The following RTL1 variants were observed in gnomAD, a reference collection of about 807,000 sequenced individuals.
The protein encoded by RTL1 is retrotransposon Gag like 1.
For missense variants in RTL1, 1,681 were observed against 1,767.5 expected, an observed-to-expected ratio of 0.95 and a Z score of 0.88; for synonymous variants, 727 against 748.4, an observed-to-expected ratio of 0.97 and a Z score of 0.47.
rs1278331441 is a variant in RTL1, at chr14:100,882,331, G to T, written c.2458C>A (p.Arg820Ser). The T allele has an allele frequency of 2.6e-6, 4 of 1,551,568 alleles. No individual in the cohort carries two copies. The highest frequency in any genetic ancestry group is 3.5e-6 in the Non-Finnish European group (4 of 1,147,018). The change falls in exon 4 of 4, where the codon CGC becomes AGC. Residue 820 changes from arginine (R) to serine (S), a missense_variant. Transcript: ENST00000649591. ...RNFIEFVFPYRHFVERFSIIA... is the reference protein window; with the variant it reads ...RNFIEFVFPYSHFVERFSIIA... ...ATGCTGAAGCGCTCCACGAAGTGGC[G>T]GTAGGGGAAGACGAATTCGATGAAG...
intron 3 of RTL1, among the ~76,000 whole-genome samples, chr14:100,888,239 A>G (rs2038720469): frequency 6.6e-6 from 1 of 152,176 alleles, no homozygotes; most frequent in South Asian, 2.1e-4. Context: ...GCAAAATCTG[A>G]TCATATCATC....
chr14:100,883,435 CG>C lies in RTL1; in HGVS notation c.1353del (p.Tyr451Ter). On this transcript the variant is annotated frameshift_variant, in exon 4 of 4. Transcript: ENST00000649591. LOFTEE classifies it low-confidence loss of function (END_TRUNC). This position sits in a 1 kb window ranked among gnomAD's most constrained non-coding sequence, Gnocchi z 5.9. Reference protein sequence around the residue: ...KFAQEHYVELYEKPYPQPVQS... With the variant: ...KFAQEHYVELXEKPYPQPVQS... Reference sequence around the variant, plus strand: ...TGGACCGGCTGTGGGTACGGCTTCTCGTAGAGCTCGACGTAGTGCTCTTGGG... The same window carrying C: ...TGGACCGGCTGTGGGTACGGCTTCTCTAGAGCTCGACGTAGTGCTCTTGGG... The C allele has an allele frequency of 6.5e-7, 1 of 1,550,308 alleles. No homozygotes were observed. The highest frequency in any genetic ancestry group is 8.7e-7 in the Non-Finnish European group (1 of 1,146,206).
intron 1 of RTL1, among the ~76,000 whole-genome samples, 76 bp downstream of exon 1, chr14:100,903,529 C>T (rs1005057124): frequency 3.3e-5 from 5 of 152,146 alleles, no homozygotes; most frequent in South Asian, 2.1e-4. Context: ...GGGCAATAAC[C>T]CTGCACACTG....
rs1261804199 is a variant in RTL1 at position 100,880,336 on chromosome 14, C to G, written c.*376G>C. Among the ~76,000 whole-genome samples, 1 of 152,056 alleles carries G rather than the reference C, an allele frequency of 6.6e-6. No individual in the cohort carries two copies. Among genetic ancestry groups the G allele is most frequent in the East Asian group, 1.9e-4 (1 of 5,158 alleles). ...CATCACCAGGCCGGGTGGGGGGCCC[C>G]GTCACCTGCTTGCTTGGCTGCGCCT... On this transcript the variant is annotated 3_prime_UTR_variant, in exon 4 of 4. Transcript: ENST00000649591.
At position 100,880,471 on chromosome 14, in the gene RTL1, C is replaced by T. The variant is rs968999320; in HGVS notation, c.*241G>A. 13 of 299,478 alleles carry T rather than the reference C, an allele frequency of 4.3e-5. No individual in the cohort carries two copies. The highest frequency in any genetic ancestry group is 9.1e-5 in the African/African-American group (4 of 44,160). The allele number at this position is 299,478 out of a possible 1,614,324, so 18.6% of individuals were successfully genotyped here. ...GGGCATGGGCTTGGGACCTGGAGAA[C>T]GGAGAACTCGTAGCCCAGGGCTGGC... is the stretch of plus-strand genomic sequence containing the variant. On this transcript the variant is annotated 3_prime_UTR_variant, in exon 4 of 4. Coordinates refer to ENST00000649591, the MANE Select transcript of RTL1 (RefSeq NM_001134888.3).
intron 3 of RTL1, among the ~76,000 whole-genome samples, chr14:100,887,637 C>T (rs1159389939): frequency 7.3e-6 from 1 of 136,410 alleles, no homozygotes; most frequent in African/African-American, 2.5e-5. Flanking sequence ...GCCCGTAATC[C>T]TAGCTACTTC....
chr14:100,881,394 A>T lies in RTL1; in HGVS notation c.3395T>A (p.Leu1132His). Residue 1132 changes from leucine to histidine, a missense_variant, in exon 4 of 4, where the codon CTC becomes CAC. Transcript: ENST00000649591. This position sits in a 1 kb window ranked among gnomAD's most constrained non-coding sequence, Gnocchi z 6.6. ...TGTCGTGATGCTGCTGCCTGCGATG[A>T]GGGACGAATCCAGGATGAGTCGTAG... ...RSLRLILDSS[L>H]IAGSSITTAI... is the part of the protein sequence containing the mutation. 6.4e-7 allele frequency: 1 copy of T among 1,550,680 alleles called. No individual in the cohort carries two copies. The highest frequency in any genetic ancestry group is 8.7e-7 in the Non-Finnish European group (1 of 1,146,972).
chr14:100,901,632 C>A (rs1036713073), intron 2 of RTL1, among the ~76,000 whole-genome samples: 1 of 152,228 alleles, frequency 6.6e-6, no homozygotes, highest in Non-Finnish European at 1.5e-5. Context: ...ACCTGCCAGA[C>A]CTCCTCGCTC....
Position 100,883,646 on chromosome 14 carries a change from C to G in RTL1, c.1143G>C (p.Trp381Cys). ...ACCTCTCTGGAGCAGGTGAGTCGAT[C>G]CAGGTCAGGTTCCGGGGGCGGGCCT... Reference protein sequence around the residue: ...PPEARPRNLTWIDSPAPERWM... With the variant: ...PPEARPRNLTCIDSPAPERWM... The change falls in exon 4 of 4, where the codon TGG (tryptophan) becomes TGC (cysteine). Residue 381 changes from tryptophan (W) to cysteine (C), a missense_variant. Trp to Cys is a radical substitution (Grantham distance 215). Coordinates refer to ENST00000649591, the MANE Select transcript of RTL1 (RefSeq NM_001134888.3). This position sits in a 1 kb window ranked among gnomAD's most constrained non-coding sequence, Gnocchi z 5.9. The G allele has an allele frequency of 1.3e-6, 2 of 1,551,236 alleles. No homozygotes were observed. The highest frequency in any genetic ancestry group is 1.2e-5 in the South Asian group (1 of 84,030).
chr14:100,897,070 TG>T (rs2038868041), intron 2 of RTL1, among the ~76,000 whole-genome samples: 1 of 152,140 alleles, frequency 6.6e-6, no homozygotes, highest in Admixed American at 6.5e-5. Flanking sequence ...ATCACAGCCC[TG>T]GGCACACACC....
intron 3 of RTL1, among the ~76,000 whole-genome samples, chr14:100,885,879 T>G (rs571853392): frequency 6.6e-6 from 1 of 152,264 alleles, no homozygotes; most frequent in East Asian, 1.9e-4. Context: ...AGCAAATATC[T>G]TTTTCTCTCT....
intron 3 of RTL1, among the ~76,000 whole-genome samples, chr14:100,886,361 G>C (rs1294459386): frequency 6.6e-6 from 1 of 152,134 alleles, no homozygotes; most frequent in Non-Finnish European, 1.5e-5. Context: ...TGATCATGCA[G>C]TCTCTCTGAT....
In RTL1 at chr14:100,893,917, C is replaced by T. The variant is rs942569861; in HGVS notation, c.-148-412G>A. Among the ~76,000 whole-genome samples the T allele has an allele frequency of 6.6e-6, 1 of 152,228 alleles. No individual in the cohort carries two copies. The highest frequency in any genetic ancestry group is 2.4e-5 in the African/African-American group (1 of 41,458). ...GCCAGAGCGTCAGCCTCGCTGGCGT[C>T]CTCACTGGCCATGGCCCTGCAGCCT... On this transcript the variant is annotated intron_variant, in intron 2 of 3. Transcript: ENST00000649591. This position sits in a 1 kb window ranked among gnomAD's most constrained non-coding sequence, Gnocchi z 4.2.
At chr14:100,891,865 C>T (rs1023734981) in intron 3 of RTL1, among the ~76,000 whole-genome samples, 5 of 152,038 alleles carry the variant, frequency 3.3e-5, no homozygotes, top group Middle Eastern at 3.2e-3. Context: ...GGGAGGGTTT[C>T]GGTGGTGGTC....
At chr14:100,897,781 G>GGGGGGGGGGGGGGGGGGGGT (rs2038887138) in intron 2 of RTL1, 2 of 174,686 alleles carry the variant, frequency 1.1e-5, no homozygotes, top group Admixed American at 6.1e-5. Context: ...TGGGGGGCGG[G>GGGGGGGGGGGGGGGGGGGGT]GGGGGGCAGT....
intron 3 of RTL1, among the ~76,000 whole-genome samples, chr14:100,886,790 A>T (rs2038703174): frequency 6.6e-6 from 1 of 152,230 alleles, no homozygotes; most frequent in African/African-American, 2.4e-5. Context: ...CAGGAATAAA[A>T]ATCTCAGCAT....
intron 3 of RTL1, among the ~76,000 whole-genome samples, chr14:100,887,169 C>T (rs556896412): frequency 1.1e-3 from 163 of 152,214 alleles, no homozygotes; most frequent in African/African-American, 3.7e-3. Context: ...CTGATTAATA[C>T]GAACCCCCAA....
At chr14:100,897,958 A>T (rs772671434) in intron 2 of RTL1, 2 of 517,188 alleles carry the variant, frequency 3.9e-6, no homozygotes, top group Admixed American at 3.9e-5. Context: ...ACAAAAGATC[A>T]TGATTAATCC....
chr14:100,902,769 C>T (rs1051422023), intron 2 of RTL1, among the ~76,000 whole-genome samples: 9 of 152,362 alleles, frequency 5.9e-5, no homozygotes, highest in Middle Eastern at 3.4e-3. Flanking sequence ...AGAGTTTCTC[C>T]GTCACTGGCG....
Sources: allele counts gnomAD v4.1 joint callset (sites outside exome capture counted in the v4.1 genomes callset), GRCh38; gene constraint gnomAD v4.1.1; non-coding constraint Gnocchi (gnomAD v3.1); transcripts MANE v1.5; gene names NCBI Gene and HGNC (gene_info 2026-07-23, HGNC 2026-07-21).